PPP4R4: variants seen among roughly 807,000 people sequenced by gnomAD.
PPP4R4 encodes the protein serine/threonine-protein phosphatase 4 regulatory subunit 4.
In PPP4R4, 70 loss-of-function variants were observed where a neutral mutation model predicts 121.8. That is an observed-to-expected ratio of 0.57 (90% CI 0.47 to 0.70). The LOEUF is 0.70. PPP4R4 is among the 30% of genes least tolerant of loss of function. The pLI, the probability that PPP4R4 is intolerant of heterozygous loss-of-function variation, is 0.00. For synonymous variants in PPP4R4, 348 were observed against 355.7 expected (o/e 0.98, Z 0.24); for missense variants, 875 against 1,033.6 (o/e 0.85, Z 2.10).
intron 23 of PPP4R4, among the ~76,000 whole-genome samples, chr14:94,267,910 T>C (rs1894126289): frequency 6.6e-6 from 1 of 152,206 alleles, no homozygotes; most frequent in Non-Finnish European, 1.5e-5. Context: ...TTGGCTCTTC[T>C]GTAAACTGGT....
At chr14:94,209,129 T>C (rs1243115) in intron 3 of PPP4R4, among the ~76,000 whole-genome samples, 1 of 151,604 alleles carries the variant, frequency 6.6e-6, no homozygotes, top group African/African-American at 2.4e-5. Context: ...TGATTATTAA[T>C]ATAAAATTAA....
intron 2 of PPP4R4, among the ~76,000 whole-genome samples, chr14:94,187,316 G>GA (rs1366506057): frequency 6.6e-6 from 1 of 151,526 alleles, no homozygotes; most frequent in African/African-American, 2.4e-5. Flanking sequence ...GGAAAAAAAA[G>GA]AAAAAAAATA....
At chr14:94,195,471 G>C (rs1889823618) in intron 2 of PPP4R4, among the ~76,000 whole-genome samples, 1 of 152,208 alleles carries the variant, frequency 6.6e-6, no homozygotes, top group Non-Finnish European at 1.5e-5. Context: ...CAACATATAT[G>C]TTGAACTGTG....
intron 2 of PPP4R4, among the ~76,000 whole-genome samples, chr14:94,183,905 A>G (rs1053238014): frequency 4.0e-5 from 6 of 151,896 alleles, no homozygotes; most frequent in African/African-American, 7.2e-5. Context: ...AAGATAATAT[A>G]TAAAGCAATA....
At position 94,256,475 on chromosome 14, in the gene PPP4R4, C is replaced by T; in HGVS notation, c.1881C>T (p.Tyr627=). ...TTTATTGTAGAATGAAACTTTGCTACCTGTTGCCCAAAGTGAAATCTACTC... is the reference window on the plus strand; with the variant it reads ...TTTATTGTAGAATGAAACTTTGCTATCTGTTGCCCAAAGTGAAATCTACTC... ...PVANVRMKLC[Y]LLPKVKSTLK... is the part of the protein sequence containing the mutation. Residue 627 remains tyrosine (Y), a synonymous_variant, in exon 17 of 25, where the codon TAC becomes TAT. Transcript: ENST00000304338. 5 of 1,593,240 alleles carry T rather than the reference C, an allele frequency of 3.1e-6. No homozygotes were observed. The highest frequency in any genetic ancestry group is 4.3e-6 in the Non-Finnish European group (5 of 1,165,470).
chr14:94,270,815 G>A (rs1894282478), intron 23 of PPP4R4, among the ~76,000 whole-genome samples: 1 of 151,950 alleles, frequency 6.6e-6, no homozygotes, highest in African/African-American at 2.4e-5. Context: ...ATACTCGGGA[G>A]GCTGAGACAG....
intron 1 of PPP4R4, 105 bp downstream of exon 1, chr14:94,174,687 C>T (rs567409365): frequency 1.2e-4 from 180 of 1,477,294 alleles, no homozygotes; most frequent in African/African-American, 1.1e-3. Context: ...TCCTCCGGGC[C>T]GCCGGGACCC....
chr14:94,246,235 A>G (rs1166424885), intron 13 of PPP4R4, 122 bp from the exon 14 acceptor site: 1 of 723,582 alleles, frequency 1.4e-6, no homozygotes, highest in East Asian at 2.9e-5. Context: ...GACAACTAAG[A>G]TGTCTCCTAA....
chr14:94,191,999 A>C (rs1238381906), intron 2 of PPP4R4, among the ~76,000 whole-genome samples: 1 of 151,910 alleles, frequency 6.6e-6, no homozygotes, highest in Non-Finnish European at 1.5e-5. Flanking sequence ...TTTTTTCCTG[A>C]GCATCAGTAA....
chr14:94,220,666 G>A (rs923101461), intron 3 of PPP4R4, among the ~76,000 whole-genome samples: 2 of 152,246 alleles, frequency 1.3e-5, no homozygotes, highest in African/African-American at 4.8e-5. Flanking sequence ...GATACTTAGA[G>A]ATAAATCTGG....
intron 24 of PPP4R4, among the ~76,000 whole-genome samples, chr14:94,276,889 AATGAAC>A (rs954462067): frequency 1.3e-5 from 2 of 152,236 alleles, no homozygotes; most frequent in Non-Finnish European, 2.9e-5. Flanking sequence ...AATAGAAAAA[AATGAAC>A]ATTGATATTA....
At chr14:94,207,462 G>T (rs1360173261) in intron 2 of PPP4R4, among the ~76,000 whole-genome samples, 5 of 151,822 alleles carry the variant, frequency 3.3e-5, no homozygotes, top group Non-Finnish European at 7.4e-5. Context: ...CTTTCTAATA[G>T]AACTTACTCT....
At position 94,174,409 on chromosome 14, in the gene PPP4R4, G is replaced by A; in HGVS notation, c.-57G>A. The stretch of plus-strand genomic sequence containing the variant: ...TGCTGGTGGGCGGCCGCGGGGCTGA[G>A]GGCGTCCGGCATCCCGGGGCCGCTC... On this transcript the variant is annotated 5_prime_UTR_variant, in exon 1 of 25. Coordinates refer to ENST00000304338, the MANE Select transcript of PPP4R4 (RefSeq NM_058237.2). The A allele has an allele frequency of 7.1e-7, 1 of 1,405,574 alleles. No individual in the cohort carries two copies. Among genetic ancestry groups the A allele is most frequent in the East Asian group, 3.0e-5 (1 of 33,378 alleles). The allele number at this position is 1,405,574 out of a possible 1,614,324, so 87.1% of individuals were successfully genotyped here.
intron 2 of PPP4R4, among the ~76,000 whole-genome samples, chr14:94,177,658 A>G (rs547941263): frequency 2.0e-5 from 3 of 152,318 alleles, no homozygotes; most frequent in South Asian, 2.1e-4. Context: ...GTCTTGCTCT[A>G]TTTACTTGTG....
At chr14:94,213,640 A>G (rs1426201011) in intron 3 of PPP4R4, among the ~76,000 whole-genome samples, 1 of 152,220 alleles carries the variant, frequency 6.6e-6, no homozygotes, top group East Asian at 1.9e-4. Flanking sequence ...TGACGTATAC[A>G]TGTAGAAGAA....
chr14:94,181,218 T>TTG (rs143185145), intron 2 of PPP4R4, among the ~76,000 whole-genome samples: 7 of 151,494 alleles, frequency 4.6e-5, no homozygotes, highest in Non-Finnish European at 8.9e-5. Context: ...GAGGCATGGT[T>TTG]TGTGTGTGTG....
chr14:94,239,272 A>C (rs937620371), intron 8 of PPP4R4, among the ~76,000 whole-genome samples: 11 of 150,892 alleles, frequency 7.3e-5, no homozygotes, highest in Admixed American at 5.9e-4. Context: ...ATATGTATAC[A>C]TGTGCCATGT....
chr14:94,272,052 A>G (rs1193961703), intron 23 of PPP4R4, among the ~76,000 whole-genome samples: 7 of 152,248 alleles, frequency 4.6e-5, no homozygotes, highest in Non-Finnish European at 1.5e-5. Flanking sequence ...GTTCATTGCT[A>G]GAAATACTCA....
At chr14:94,219,080 C>CTTTTCT (rs1891240774) in intron 3 of PPP4R4, among the ~76,000 whole-genome samples, 1 of 106,954 alleles carries the variant, frequency 9.3e-6, no homozygotes, top group African/African-American at 3.5e-5. Context: ...CTTTTCTTTT[C>CTTTTCT]TTTTTTTTTT....
Sources: gnomAD v4.1 joint callset for allele counts (sites outside exome capture counted in the v4.1 genomes callset) on GRCh38, gnomAD v4.1.1 for gene constraint, MANE v1.5 for transcripts, NCBI Gene and HGNC (gene_info 2026-07-23, HGNC 2026-07-21) for gene names.